Variants in MCM10 observed in about 807,000 individuals in gnomAD.
MCM10 encodes the protein minichromosome maintenance 10 replication initiation factor.
MCM10 carries 91 observed loss-of-function variants against 109.9 expected under a neutral mutation model. The observed-to-expected ratio is 0.83, with a 90% confidence interval of 0.70 to 0.99. The LOEUF (loss-of-function observed/expected upper bound fraction) is 0.99. MCM10 is among the 50% of genes least tolerant of loss of function. MCM10 has a pLI of 0.00. For synonymous variants in MCM10, 380 were observed against 387.2 expected (o/e 0.98, Z 0.22); for missense variants, 1,077 against 1,061.2 (o/e 1.01, Z -0.21).
intron 9 of MCM10, among the ~76,000 whole-genome samples, 161 bp from the exon 10 acceptor site, chr10:13,188,720 G>A (rs1045025173): frequency 2.6e-5 from 4 of 152,168 alleles, no homozygotes; most frequent in Non-Finnish European, 5.9e-5. Flanking sequence ...TTCCCCTCAG[G>A]GACTGAGCAG....
At chr10:13,203,952 G>A (rs1244947451) in intron 17 of MCM10, among the ~76,000 whole-genome samples, 1 of 152,106 alleles carries the variant, frequency 6.6e-6, no homozygotes, top group African/African-American at 2.4e-5. Flanking sequence ...ATCATGGAAC[G>A]TGTTACACAA....
At position 13,172,753 on chromosome 10, in the gene MCM10, G is replaced by C. The variant is rs34630110; in HGVS notation, c.580G>C (p.Ala194Pro). The C allele has an allele frequency of 0.11, 183,443 of 1,613,806 alleles. 12,052 individuals carry two copies. The highest frequency in any genetic ancestry group is 0.13 in the Non-Finnish European group (155,019 of 1,179,814). Residue 194 changes from alanine to proline, a missense_variant, in exon 5 of 20, where the codon GCT becomes CCT. Transcript: ENST00000378714. This position sits in a 1 kb window ranked among gnomAD's most constrained non-coding sequence, Gnocchi z 5.2. ...RTKRVARTPK[A>P]SPPDPKSSSS... ...CAAGAGGGTGGCTCGAACACCAAAG[G>C]CTTCACCTCCAGGTGTAGTACTTGC... is the stretch of plus-strand genomic sequence containing the variant.
chr10:13,209,207 A>C lies in MCM10; in HGVS notation c.2542-20A>C, dbSNP rs371294780. ...AATAATGTGGAACCATCTCCTATTA[A>C]AATATTTTCATTTTTCTAGGAAAAG... is the stretch of plus-strand genomic sequence containing the variant. On this transcript the variant is annotated intron_variant, in intron 19 of 19. Coordinates refer to ENST00000378714, the MANE Select transcript of MCM10 (RefSeq NM_018518.5). 19 of 1,609,900 alleles carry C rather than the reference A, an allele frequency of 1.2e-5. No homozygotes were observed. In the African/African-American group the frequency reaches 2.5e-4, roughly 22 times the overall value.
At position 13,163,743 on chromosome 10, in the gene MCM10, C is replaced by A. The variant is rs74122551; in HGVS notation, c.-75-385C>A. ...GACAAGGTCTTGCTATGTGACCAGG[C>A]TGGTCTCAAACTTCTGGCCTCAAGT... On this transcript the variant is annotated intron_variant, in intron 1 of 19. Coordinates refer to ENST00000378714, the MANE Select transcript of MCM10 (RefSeq NM_018518.5). Among the ~76,000 whole-genome samples the A allele has an allele frequency of 9.1e-3, 1,378 of 152,228 alleles. 30 individuals are homozygous for A. Among genetic ancestry groups the A allele is most frequent in the African/African-American group, 0.032 (1,320 of 41,556 alleles).
Position 13,175,637 on chromosome 10 carries a change from G to A in MCM10, c.720G>A (p.Thr240=), listed in dbSNP as rs148560423. ...GGACCCCAGGAAGTTCTGGGGAAAC[G>A]ACTCAACCCATCTGTGTGGAAGCCT... ...IVGTPGSSGE[T]TQPICVEAFS... is the part of the protein sequence containing the mutation. Residue 240 remains threonine, a synonymous_variant, in exon 6 of 20, where the codon ACG becomes ACA. Transcript: ENST00000378714. 18 of 1,613,178 alleles carry A rather than the reference G, an allele frequency of 1.1e-5. No individual in the cohort carries two copies. Among genetic ancestry groups the A allele is most frequent in the African/African-American group, 1.3e-5 (1 of 74,998 alleles).
intron 13 of MCM10, among the ~76,000 whole-genome samples, chr10:13,194,318 G>A (rs771551428): frequency 1.3e-5 from 2 of 152,096 alleles, no homozygotes; most frequent in African/African-American, 4.8e-5. Flanking sequence ...AGCCGCAATC[G>A]TGCCAACGCA....
intron 13 of MCM10, among the ~76,000 whole-genome samples, chr10:13,192,886 T>C (rs895558415): frequency 6.6e-6 from 1 of 151,166 alleles, no homozygotes; most frequent in African/African-American, 2.4e-5. Flanking sequence ...TTTCTCTCTC[T>C]CTCTCTTTTT....
rs774763800 is a variant in MCM10, at chr10:13,188,946, G to A, written c.1281G>A (p.Ala427=). 7 of 1,614,088 alleles carry A rather than the reference G, an allele frequency of 4.3e-6. No homozygotes were observed. Among genetic ancestry groups the A allele is most frequent in the Admixed American group, 1.7e-5 (1 of 59,978 alleles). Residue 427 remains alanine, a synonymous_variant, in exon 10 of 20, where the codon GCG becomes GCA. Transcript: ENST00000378714. ...ACAAGAAGCTCAGCGCAAAGCGTGC[G>A]GATCTGCAGTCCACCTTCTCTGGAG... ...AQYKKLSAKR[A]DLQSTFSGGR...
chr10:13,177,849 CA>C (rs5783313), intron 6 of MCM10, among the ~76,000 whole-genome samples: 66 of 144,468 alleles, frequency 4.6e-4, no homozygotes, highest in Admixed American at 7.0e-4. Flanking sequence ...GACCCTATCT[CA>C]AAAAAAAAAA....
At chr10:13,163,976 G>A (rs1159344445) in intron 1 of MCM10, among the ~76,000 whole-genome samples, 152 bp from the exon 2 acceptor site, 3 of 152,210 alleles carry the variant, frequency 2.0e-5, no homozygotes, top group East Asian at 1.9e-4. Context: ...TGGCATTGGC[G>A]GTGTGGAGAG....
intron 18 of MCM10, among the ~76,000 whole-genome samples, chr10:13,204,701 A>G (rs566019608): frequency 6.6e-6 from 1 of 152,022 alleles, no homozygotes; most frequent in Non-Finnish European, 1.5e-5. Context: ...CCTCTCTCCA[A>G]AGAGTTATTT....
chr10:13,188,793 G>A (rs150503098), intron 9 of MCM10, 88 bp from the exon 10 acceptor site: 126 of 1,149,422 alleles, frequency 1.1e-4, no homozygotes, highest in Non-Finnish European at 1.5e-4. Context: ...GTCATGTTCC[G>A]GGAAGTGGGG....
At chr10:13,174,128 T>C (rs1834110026) in intron 5 of MCM10, among the ~76,000 whole-genome samples, 1 of 143,434 alleles carries the variant, frequency 7.0e-6, no homozygotes, top group African/African-American at 2.5e-5. Flanking sequence ...GGGGAGCTAG[T>C]TTTGGATTTT....
chr10:13,174,606 G>T (rs1230407386), intron 5 of MCM10, among the ~76,000 whole-genome samples: 3 of 152,142 alleles, frequency 2.0e-5, no homozygotes, highest in Non-Finnish European at 4.4e-5. Flanking sequence ...GGATATTTAA[G>T]TTAAAATTAG....
In MCM10 at chr10:13,182,830, A is replaced by G. The variant is rs1359563463; in HGVS notation, c.931-103A>G. 4.7e-6 allele frequency: 4 copies of G among 847,152 alleles called. No individual in the cohort carries two copies. The highest frequency in any genetic ancestry group is 2.9e-5 in the Admixed American group (1 of 34,904). 52.5% of individuals were successfully genotyped at this position (847,152 alleles called of 1,614,324 possible). A position where few individuals can be genotyped will look rare whatever the true frequency, so the allele number is the denominator to read the frequency against. On this transcript the variant is annotated intron_variant, in intron 7 of 19. Transcript: ENST00000378714. This position sits in a 1 kb window ranked among gnomAD's most constrained non-coding sequence, Gnocchi z 4.2. ...ATAACAACAAAAAAACTTGGATTTT[A>G]TGGATTATAGGCATATAGTTTTCCA...
In MCM10 at chr10:13,204,255, G is replaced by A. The variant is rs374760775; in HGVS notation, c.2389G>A (p.Val797Ile). 9 of 1,614,032 alleles carry A rather than the reference G, an allele frequency of 5.6e-6. No homozygotes were observed. The highest frequency in any genetic ancestry group is 4.5e-5 in the East Asian group (2 of 44,886). The change falls in exon 18 of 20, where the codon GTC (valine) becomes ATC (isoleucine). Residue 797 changes from valine (V) to isoleucine (I), a missense_variant. Coordinates refer to ENST00000378714, the MANE Select transcript of MCM10 (RefSeq NM_018518.5). The part of the protein sequence containing the change: ...YTHFKLLETC[V>I]SEQHEYHWHD... Reference sequence around the variant, plus strand: ...CCACTTCAAGCTGCTGGAGACCTGCGTCAGTGAGCAGCATGAATACCACTG... The same window carrying A: ...CCACTTCAAGCTGCTGGAGACCTGCATCAGTGAGCAGCATGAATACCACTG...
intron 6 of MCM10, among the ~76,000 whole-genome samples, chr10:13,177,581 C>A (rs2131564692): frequency 7.0e-6 from 1 of 142,858 alleles, no homozygotes; most frequent in African/African-American, 2.6e-5. Context: ...TATAGAAGAA[C>A]CTTTCCCTAG....
At chr10:13,163,069 C>T (rs1364702022) in intron 1 of MCM10, among the ~76,000 whole-genome samples, 2 of 148,166 alleles carry the variant, frequency 1.3e-5, no homozygotes, top group Admixed American at 6.7e-5. Flanking sequence ...ACAGAGACTC[C>T]GTCTCAAAAA....
chr10:13,170,488 G>A (rs544556913), intron 2 of MCM10, among the ~76,000 whole-genome samples: 3 of 152,202 alleles, frequency 2.0e-5, no homozygotes, highest in South Asian at 2.1e-4. Flanking sequence ...GTCGGTGTGC[G>A]GGAAGCTGTC....
Sources: allele counts gnomAD v4.1 joint callset (sites outside exome capture counted in the v4.1 genomes callset), GRCh38; gene constraint gnomAD v4.1.1; non-coding constraint Gnocchi (gnomAD v3.1); transcripts MANE v1.5; gene names NCBI Gene and HGNC (gene_info 2026-07-23, HGNC 2026-07-21).